The following FGD6 variants were observed in gnomAD, a reference collection of about 807,000 sequenced individuals.
FGD6 encodes the protein FYVE, RhoGEF and PH domain-containing protein 6.
FGD6 carries 90 observed loss-of-function variants against 149.4 expected under a neutral mutation model. The observed-to-expected ratio is 0.60, with a 90% confidence interval of 0.51 to 0.72. The LOEUF (loss-of-function observed/expected upper bound fraction) is 0.72, where lower values mean the gene tolerates loss of function less well. Ranked by LOEUF, FGD6 falls within the 30% of genes least tolerant of loss-of-function variation. FGD6 has a pLI of 0.00. For synonymous variants in FGD6, 527 were observed against 584.0 expected, an observed-to-expected ratio of 0.90 and a Z score of 1.41; for missense variants, 1,437 against 1,684.8, an observed-to-expected ratio of 0.85 and a Z score of 2.57.
At position 95,210,756 on chromosome 12, in the gene FGD6, T is replaced by C; in HGVS notation, c.528A>G (p.Ala176=). ...AKNQGGVVLK[A]SVLEEELKDA... ...CTTTGAGCTCCTCTTCTAAAACGCT[T>C]GCCTTTAAAACAACCCCACCCTGGT... Residue 176 remains alanine, a synonymous_variant, in exon 2 of 21, where the codon GCA becomes GCG. Coordinates refer to ENST00000343958, the MANE Select transcript of FGD6 (RefSeq NM_018351.4). 1.2e-6 allele frequency: 2 copies of C among 1,614,126 alleles called. No homozygotes were observed. The highest frequency in any genetic ancestry group is 1.7e-6 in the Non-Finnish European group (2 of 1,180,018).
At chr12:95,172,558 G>A (rs1483520425) in intron 3 of FGD6, 42 bp downstream of exon 3, 1 of 1,499,020 alleles carries the variant, frequency 6.7e-7, no homozygotes. Context: ...TCATTCCCAA[G>A]CATAGGGAGA....
intron 19 of FGD6, 61 bp downstream of exon 19, chr12:95,085,719 A>G (rs771064167): frequency 6.6e-7 from 1 of 1,513,412 alleles, no homozygotes; most frequent in South Asian, 1.3e-5. Flanking sequence ...AAAATATTGT[A>G]ATTACTTGCA....
intron 7 of FGD6, 47 bp downstream of exon 7, chr12:95,137,472 TCAA>T (rs1296346739): frequency 7.1e-7 from 1 of 1,403,000 alleles, no homozygotes; most frequent in East Asian, 2.5e-5. Flanking sequence ...TATTAAAGCT[TCAA>T]CAACAAAAAG....
rs1192161701 is a variant in FGD6, at chr12:95,209,590, G to A, written c.1694C>T (p.Pro565Leu). The change falls in exon 2 of 21, where the codon CCA (proline) becomes CTA (leucine). Residue 565 changes from proline (P) to leucine (L), a missense_variant. Physicochemically the swap from Pro to Leu is moderately conservative, Grantham distance 98. Coordinates refer to ENST00000343958, the MANE Select transcript of FGD6 (RefSeq NM_018351.4). ...FDMPKRASEK[P>L]VWKLPHPILP... ...AATAGGATGAGGTAACTTCCACACT[G>A]GCTTTTCTGAAGCCCGTTTAGGCAT... is the stretch of plus-strand genomic sequence containing the variant. 1.2e-6 allele frequency: 2 copies of A among 1,613,922 alleles called. No individual in the cohort carries two copies. The highest frequency in any genetic ancestry group is 1.7e-6 in the Non-Finnish European group (2 of 1,180,026).
At chr12:95,167,745 T>G (rs1880864762) in intron 3 of FGD6, among the ~76,000 whole-genome samples, 1 of 151,958 alleles carries the variant, frequency 6.6e-6, no homozygotes, top group South Asian at 2.1e-4. Flanking sequence ...GGGCTAATTT[T>G]TGTATTTTTA....
chr12:95,152,047 T>C (rs1274975123), intron 5 of FGD6, among the ~76,000 whole-genome samples: 2 of 152,032 alleles, frequency 1.3e-5, no homozygotes, highest in Non-Finnish European at 1.5e-5. Flanking sequence ...AATTATAGGC[T>C]GGCTGCAGTG....
intron 2 of FGD6, among the ~76,000 whole-genome samples, chr12:95,203,564 C>T (rs957456612): frequency 2.6e-5 from 4 of 152,158 alleles, no homozygotes; most frequent in African/African-American, 9.7e-5. Context: ...AAAAAGACAA[C>T]TAATTAGTAA....
In FGD6 at chr12:95,092,805, G is replaced by A. The variant is rs751711117; in HGVS notation, c.3641C>T (p.Ser1214Leu). 3 of 1,613,782 alleles carry A rather than the reference G, an allele frequency of 1.9e-6. No individual in the cohort carries two copies. The highest frequency in any genetic ancestry group is 2.5e-6 in the Non-Finnish European group (3 of 1,179,880). Residue 1214 changes from serine (S) to leucine (L), a missense_variant, in exon 16 of 21, where the codon TCG (serine) becomes TTG (leucine). Ser to Leu is a moderately radical substitution (Grantham distance 145, BLOSUM62 -2). Transcript: ENST00000343958. Reference sequence around the variant, plus strand: ...ATCAGGAATCCAGATGGGAGCCTTCGATCCAAGAGGACTAACTTCTTCTTT... The same window carrying A: ...ATCAGGAATCCAGATGGGAGCCTTCAATCCAAGAGGACTAACTTCTTCTTT... ...ENKEEVSPLG[S>L]KAPIWIPDTR...
chr12:95,167,004 GCAC>G (rs1880838778), intron 3 of FGD6, among the ~76,000 whole-genome samples: 1 of 151,672 alleles, frequency 6.6e-6, no homozygotes, highest in South Asian at 2.1e-4. Flanking sequence ...TTACAGATGT[GCAC>G]CACCACACCT....
At position 95,078,455 on chromosome 12, in the gene FGD6, A is replaced by G. The variant is rs1197939961; in HGVS notation, c.*3065T>C. ...CACATCTAGATATATTCTATGAACC[A>G]AATATAAAATACACATTTGGCTGAC... On this transcript the variant is annotated 3_prime_UTR_variant, in exon 21 of 21. Transcript: ENST00000343958. 6.6e-6 allele frequency: 1 copy of G among 152,254 alleles called. No homozygotes were observed. The highest frequency in any genetic ancestry group is 1.5e-5 in the Non-Finnish European group (1 of 68,054). 9.4% of individuals were successfully genotyped at this position (152,254 alleles called of 1,614,324 possible).
At chr12:95,129,140 T>C (rs941082034) in intron 8 of FGD6, among the ~76,000 whole-genome samples, 2 of 152,050 alleles carry the variant, frequency 1.3e-5, no homozygotes, top group African/African-American at 2.4e-5. Context: ...GAGCAGAAAC[T>C]AGAGGTGGAG....
chr12:95,184,715 G>A (rs1202295720), intron 2 of FGD6, among the ~76,000 whole-genome samples: 2 of 151,772 alleles, frequency 1.3e-5, no homozygotes, highest in African/African-American at 4.8e-5. Flanking sequence ...CTGAGTAGCT[G>A]GGATTACAGG....
chr12:95,103,356 A>G (rs1183445320), intron 14 of FGD6, among the ~76,000 whole-genome samples: 1 of 152,308 alleles, frequency 6.6e-6, no homozygotes, highest in South Asian at 2.1e-4. Context: ...TCACCAGTCA[A>G]ACCTTCCCAA....
At chr12:95,197,132 ACT>A (rs1881754160) in intron 2 of FGD6, among the ~76,000 whole-genome samples, 1 of 151,596 alleles carries the variant, frequency 6.6e-6, no homozygotes, top group South Asian at 2.1e-4. Flanking sequence ...TCCAGGTCCT[ACT>A]CTCTCACAAT....
intron 9 of FGD6, among the ~76,000 whole-genome samples, chr12:95,112,685 G>A (rs1878868062): frequency 1.3e-5 from 2 of 152,176 alleles, no homozygotes; most frequent in Admixed American, 1.3e-4. Context: ...GAATTAATCT[G>A]TGTGTATGTG....
intron 5 of FGD6, among the ~76,000 whole-genome samples, chr12:95,151,319 G>T (rs908251260): frequency 2.6e-5 from 4 of 151,994 alleles, no homozygotes; most frequent in African/African-American, 9.7e-5. Context: ...CACCCATGTT[G>T]GAGTGCAGTG....
chr12:95,195,858 T>C (rs1287137206), intron 2 of FGD6, among the ~76,000 whole-genome samples: 2 of 149,582 alleles, frequency 1.3e-5, no homozygotes, highest in African/African-American at 4.9e-5. Context: ...AACCTACACA[T>C]CTAATAAAAT....
chr12:95,157,126 T>C (rs1423895276), intron 3 of FGD6, among the ~76,000 whole-genome samples: 1 of 152,230 alleles, frequency 6.6e-6, no homozygotes, highest in Non-Finnish European at 1.5e-5. Flanking sequence ...AACAAATTGT[T>C]AAATTATGAT....
chr12:95,131,108 GTTTTTTTT>G (rs59897965), intron 8 of FGD6, among the ~76,000 whole-genome samples: 1 of 128,362 alleles, frequency 7.8e-6, no homozygotes, highest in African/African-American at 2.8e-5. Context: ...TGGCTAAAGA[GTTTTTTTT>G]TTTTTTTTTT....
Sources: allele counts gnomAD v4.1 joint callset (sites outside exome capture counted in the v4.1 genomes callset), GRCh38; gene constraint gnomAD v4.1.1; transcripts MANE v1.5; gene names NCBI Gene and HGNC (gene_info 2026-07-23, HGNC 2026-07-21).